STK32B: variants seen among roughly 807,000 people sequenced by gnomAD.
STK32B encodes serine/threonine-protein kinase 32B.
STK32B carries 43 observed loss-of-function variants against 52.6 expected under a neutral mutation model. The ratio of observed to expected loss-of-function variants is 0.82; its 90% confidence interval spans 0.64 to 1.05. STK32B has a LOEUF of 1.05. STK32B is among the 50% of genes least tolerant of loss of function. STK32B has a pLI of 0.00. For missense variants in STK32B, 621 were observed against 534.6 expected (o/e 1.16, Z -1.59); for synonymous variants, 238 against 204.3 (o/e 1.17, Z -1.41).
intron 1 of STK32B, among the ~76,000 whole-genome samples, chr4:5,065,000 C>G (rs1202032500): frequency 6.6e-6 from 1 of 151,590 alleles, no homozygotes; most frequent in Non-Finnish European, 1.5e-5. Context: ...TCTGGCTGTT[C>G]CTTCTCCTTC....
intron 3 of STK32B, among the ~76,000 whole-genome samples, chr4:5,184,648 A>G (rs1360010170): frequency 7.0e-6 from 1 of 143,736 alleles, no homozygotes; most frequent in Admixed American, 7.5e-5. Flanking sequence ...AGATCGCACC[A>G]CTGCATTCCA....
chr4:5,464,829 G>T (rs1045244102), intron 9 of STK32B, among the ~76,000 whole-genome samples: 9 of 152,192 alleles, frequency 5.9e-5, no homozygotes, highest in African/African-American at 2.2e-4. Context: ...TGAATGAGTG[G>T]CAGGCAAAAC....
At chr4:5,302,065 T>C (rs1464488030) in intron 3 of STK32B, among the ~76,000 whole-genome samples, 6 of 151,926 alleles carry the variant, frequency 3.9e-5, no homozygotes, top group African/African-American at 9.7e-5. Flanking sequence ...TTAATTACTT[T>C]GTTCTTTCTT....
chr4:5,242,681 G>C (rs1725123493), intron 3 of STK32B, among the ~76,000 whole-genome samples: 1 of 152,106 alleles, frequency 6.6e-6, no homozygotes, highest in African/African-American at 2.4e-5. Flanking sequence ...GTATTGCCTA[G>C]GTTTTCTTCT....
chr4:5,333,074 G>C (rs1466222958), intron 4 of STK32B, among the ~76,000 whole-genome samples: 8 of 149,970 alleles, frequency 5.3e-5, no homozygotes, highest in African/African-American at 1.7e-4. Context: ...TCGCCACACT[G>C]ACTTCCACAA....
At chr4:5,450,128 C>G (rs966949419) in intron 7 of STK32B, among the ~76,000 whole-genome samples, 5 of 152,124 alleles carry the variant, frequency 3.3e-5, no homozygotes, top group Non-Finnish European at 5.9e-5. Flanking sequence ...GTAGGCTAGA[C>G]AAGAGACCTA....
intron 3 of STK32B, among the ~76,000 whole-genome samples, chr4:5,324,747 T>C (rs1009960610): frequency 6.6e-6 from 1 of 151,674 alleles, no homozygotes; most frequent in Non-Finnish European, 1.5e-5. Context: ...AAGTGAGTGA[T>C]GGACAAGAGG....
intron 3 of STK32B, among the ~76,000 whole-genome samples, chr4:5,180,898 A>G (rs1006968057): frequency 4.6e-5 from 7 of 152,172 alleles, no homozygotes; most frequent in East Asian, 3.9e-4. Context: ...GTCAAGTGCA[A>G]TATTTTCACT....
chr4:5,027,124 T>C, the STK32B span, among the ~76,000 whole-genome samples: 2 of 152,190 alleles, frequency 1.3e-5, no homozygotes, highest in South Asian at 4.1e-4. Context: ...TTGGTATTCC[T>C]TTGGTTAAAA....
chr4:5,391,750 G>T (rs1401177757), intron 4 of STK32B, among the ~76,000 whole-genome samples: 1 of 152,234 alleles, frequency 6.6e-6, no homozygotes, highest in Non-Finnish European at 1.5e-5. Flanking sequence ...GAATGGGCCT[G>T]GGACACGTGA....
At chr4:5,479,612 G>T (rs1422410517) in intron 11 of STK32B, among the ~76,000 whole-genome samples, 1 of 152,232 alleles carries the variant, frequency 6.6e-6, no homozygotes, top group Non-Finnish European at 1.5e-5. Context: ...GCTATTCCCA[G>T]ATGGGATGGG....
chr4:5,434,092 A>T (rs972469283), intron 6 of STK32B, among the ~76,000 whole-genome samples: 7 of 152,148 alleles, frequency 4.6e-5, no homozygotes, highest in Non-Finnish European at 1.0e-4. Flanking sequence ...AGGCCATTGC[A>T]GGGCAGCCAG....
intron 3 of STK32B, among the ~76,000 whole-genome samples, chr4:5,302,046 T>C (rs779230654): frequency 8.6e-5 from 13 of 151,908 alleles, no homozygotes; most frequent in Non-Finnish European, 5.9e-5. Context: ...CATTTTCTAG[T>C]ATGCTATTTT....
At chr4:5,235,495 G>A (rs1724561715) in intron 3 of STK32B, among the ~76,000 whole-genome samples, 1 of 152,108 alleles carries the variant, frequency 6.6e-6, no homozygotes, top group Non-Finnish European at 1.5e-5. Context: ...CTAGTACAAG[G>A]TATACAGATT....
At chr4:5,069,429 TG>T (rs1711618873) in intron 1 of STK32B, among the ~76,000 whole-genome samples, 1 of 152,162 alleles carries the variant, frequency 6.6e-6, no homozygotes, top group Non-Finnish European at 1.5e-5. Flanking sequence ...ATGGGCCTTG[TG>T]CTTATGTATA....
At position 5,180,853 on chromosome 4, in the gene STK32B, T is replaced by G. The variant is rs1302878239; in HGVS notation, c.260+12403T>G. On this transcript the variant is annotated intron_variant, in intron 3 of 11. Transcript: ENST00000282908. ...TTTTGCCTCTAAAGAACGAATGATT[T>G]GTGCTCCTAAGCCTGTGATGACCCA... Among the ~76,000 whole-genome samples, 4 of 152,232 alleles carry G rather than the reference T, an allele frequency of 2.6e-5. No individual in the cohort carries two copies. In the East Asian group the frequency reaches 7.7e-4, roughly 29 times the overall value.
chr4:5,368,465 T>G (rs1240183361), intron 4 of STK32B, among the ~76,000 whole-genome samples: 3 of 151,822 alleles, frequency 2.0e-5, no homozygotes, highest in East Asian at 1.9e-4. Flanking sequence ...TATTCCTAAT[T>G]ATAAATGATA....
upstream of STK32B, among the ~76,000 whole-genome samples, chr4:5,047,483 TA>T (rs1741642859): frequency 6.6e-6 from 1 of 152,038 alleles, no homozygotes; most frequent in African/African-American, 2.4e-5. Context: ...AAAAATAAAA[TA>T]AAAGTCCAGA....
intron 3 of STK32B, among the ~76,000 whole-genome samples, chr4:5,241,398 TA>T (rs970850206): frequency 1.3e-5 from 2 of 152,092 alleles, no homozygotes; most frequent in African/African-American, 4.8e-5. Flanking sequence ...CATCTGTCCC[TA>T]AAAAAGGTAT....
Sources: gnomAD v4.1 joint callset for allele counts (sites outside exome capture counted in the v4.1 genomes callset) on GRCh38, gnomAD v4.1.1 for gene constraint, MANE v1.5 for transcripts, NCBI Gene and HGNC (gene_info 2026-07-23, HGNC 2026-07-21) for gene names.